FGF12: variants seen among roughly 807,000 people sequenced by gnomAD.
FGF12 encodes fibroblast growth factor 12.
FGF12 carries 14 observed loss-of-function variants against 23.6 expected under a neutral mutation model. That is an observed-to-expected ratio of 0.59 (90% CI 0.39 to 0.93). The LOEUF (loss-of-function observed/expected upper bound fraction) is 0.93. Ranked by LOEUF, FGF12 falls within the 40% of genes least tolerant of loss-of-function variation. The pLI is 0.00. For missense variants in FGF12, 175 were observed against 217.8 expected (o/e 0.80, Z 1.24); for synonymous variants, 62 against 77.3 (o/e 0.80, Z 1.04).
At chr3:192,651,890 G>T (rs971008544) in intron 2 of FGF12, among the ~76,000 whole-genome samples, 10 of 152,200 alleles carry the variant, frequency 6.6e-5, no homozygotes, top group Non-Finnish European at 1.2e-4. Flanking sequence ...AGCTTCAATT[G>T]TCAGTCTCTA....
chr3:192,205,063 T>G (rs928022875), intron 4 of FGF12, among the ~76,000 whole-genome samples: 3 of 152,156 alleles, frequency 2.0e-5, no homozygotes, highest in African/African-American at 7.2e-5. Flanking sequence ...CTAATATAAA[T>G]GCTGTCTAAG....
At chr3:192,213,591 G>C (rs1193837079) in intron 4 of FGF12, among the ~76,000 whole-genome samples, 1 of 152,040 alleles carries the variant, frequency 6.6e-6, no homozygotes, top group Non-Finnish European at 1.5e-5. Flanking sequence ...GCTTAGAAGG[G>C]GCAAGACTAA....
chr3:192,374,227 A>G (rs898181082), intron 2 of FGF12, among the ~76,000 whole-genome samples: 4 of 152,208 alleles, frequency 2.6e-5, no homozygotes, highest in Non-Finnish European at 4.4e-5. Flanking sequence ...TTAATTTTAG[A>G]ATCTCTGTGT....
intron 2 of FGF12, among the ~76,000 whole-genome samples, chr3:192,671,974 A>G (rs895880814): frequency 1.9e-4 from 29 of 152,216 alleles, no homozygotes; most frequent in Non-Finnish European, 3.7e-4. Flanking sequence ...CATACAGACA[A>G]ATTTCTTTAT....
chr3:192,402,347 A>G (rs1030295795), intron 2 of FGF12, among the ~76,000 whole-genome samples: 1 of 152,220 alleles, frequency 6.6e-6, no homozygotes, highest in Non-Finnish European at 1.5e-5. Context: ...GCCTAAGCCC[A>G]GCACATAACA....
intron 2 of FGF12, among the ~76,000 whole-genome samples, chr3:192,664,696 C>A (rs765205539): frequency 1.3e-5 from 2 of 151,276 alleles, no homozygotes; most frequent in African/African-American, 4.9e-5. Flanking sequence ...ACCTGGGAGG[C>A]GGAGGTTGCA....
chr3:192,260,130 T>C (rs1376536030), intron 4 of FGF12, among the ~76,000 whole-genome samples: 5 of 152,242 alleles, frequency 3.3e-5, no homozygotes, highest in Admixed American at 6.5e-5. Flanking sequence ...ACCAAAATCA[T>C]CATGCCAAAA....
At chr3:192,574,135 C>G (rs1712774875) in intron 2 of FGF12, among the ~76,000 whole-genome samples, 1 of 152,202 alleles carries the variant, frequency 6.6e-6, no homozygotes, top group African/African-American at 2.4e-5. Context: ...ATTTTACTGA[C>G]TTTTCTGCAA....
At chr3:192,294,151 G>A (rs1172321331) in intron 4 of FGF12, among the ~76,000 whole-genome samples, 2 of 152,112 alleles carry the variant, frequency 1.3e-5, no homozygotes, top group African/African-American at 4.8e-5. Context: ...GATGGGACTT[G>A]TTCCTCCTTG....
chr3:192,234,983 G>C (rs1044346873), intron 4 of FGF12, among the ~76,000 whole-genome samples: 4 of 152,106 alleles, frequency 2.6e-5, no homozygotes, highest in African/African-American at 9.7e-5. Flanking sequence ...GTTCATCAAG[G>C]ATATTAGCCT....
intron 2 of FGF12, among the ~76,000 whole-genome samples, chr3:192,432,374 CACA>C (rs1185133631): frequency 3.3e-5 from 5 of 152,056 alleles, no homozygotes; most frequent in East Asian, 1.9e-4. Flanking sequence ...ATTCCAAAAA[CACA>C]ACAAGATTCT....
intron 4 of FGF12, among the ~76,000 whole-genome samples, chr3:192,189,958 TG>T (rs1044828921): frequency 1.3e-5 from 2 of 151,836 alleles, no homozygotes; most frequent in Admixed American, 6.6e-5. Flanking sequence ...GGGGGGATGG[TG>T]GGGGAGACTA....
chr3:192,297,544 T>C (rs767094751), intron 4 of FGF12, among the ~76,000 whole-genome samples: 3 of 152,206 alleles, frequency 2.0e-5, no homozygotes, highest in Non-Finnish European at 4.4e-5. Flanking sequence ...ATAAGGGCTT[T>C]TGTCAATATT....
chr3:192,601,266 CAGAGAATACTAT>C (rs1330680427), intron 2 of FGF12, among the ~76,000 whole-genome samples: 1 of 151,966 alleles, frequency 6.6e-6, no homozygotes, highest in Non-Finnish European at 1.5e-5. Flanking sequence ...AAAAGTAGAA[CAGAGAATACTAT>C]AGGCTGGGAA....
chr3:192,644,821 T>C (rs1280481205), intron 2 of FGF12, among the ~76,000 whole-genome samples: 1 of 152,144 alleles, frequency 6.6e-6, no homozygotes, highest in Non-Finnish European at 1.5e-5. Flanking sequence ...ATCATGATGA[T>C]TAAATTCACA....
intron 4 of FGF12, among the ~76,000 whole-genome samples, chr3:192,258,044 C>T (rs894520569): frequency 4.2e-5 from 6 of 144,542 alleles, no homozygotes; most frequent in East Asian, 2.0e-4. Context: ...AAAAGCAAAA[C>T]GAACAGAAAT....
intron 2 of FGF12, among the ~76,000 whole-genome samples, chr3:192,458,182 G>A (rs537922014): frequency 1.3e-5 from 2 of 152,210 alleles, no homozygotes; most frequent in Non-Finnish European, 2.9e-5. Flanking sequence ...AAGAACCTCT[G>A]CTTGGGAAGT....
intron 2 of FGF12, among the ~76,000 whole-genome samples, chr3:192,552,416 TACCC>T (rs1711569706): frequency 6.6e-6 from 1 of 152,134 alleles, no homozygotes; most frequent in Admixed American, 6.5e-5. Context: ...TTTTAAAAAT[TACCC>T]TCCAGATTCA....
intron 2 of FGF12, among the ~76,000 whole-genome samples, chr3:192,704,179 C>T (rs1718392479): frequency 6.6e-6 from 1 of 152,168 alleles, no homozygotes; most frequent in South Asian, 2.1e-4. Context: ...TCATTATCTA[C>T]AGCAAGTAAG....
Sources: allele counts gnomAD v4.1 joint callset (sites outside exome capture counted in the v4.1 genomes callset), GRCh38; gene constraint gnomAD v4.1.1; transcripts MANE v1.5; gene names NCBI Gene and HGNC (gene_info 2026-07-23, HGNC 2026-07-21).